The following NEK10 variants were observed in gnomAD, a reference collection of about 807,000 sequenced individuals.
The protein encoded by NEK10 is NIMA related kinase 10.
In NEK10, 122 loss-of-function variants were observed where a neutral mutation model predicts 159.8. The observed-to-expected ratio is 0.76, with a 90% confidence interval of 0.66 to 0.89. The LOEUF (loss-of-function observed/expected upper bound fraction) is 0.89, where lower values mean the gene tolerates loss of function less well. Ranked by LOEUF, NEK10 falls within the 40% of genes least tolerant of loss-of-function variation. NEK10 has a pLI of 0.00. For synonymous variants in NEK10, 466 were observed against 457.1 expected, an observed-to-expected ratio of 1.02 and a Z score of -0.25; for missense variants, 1,342 against 1,323.1, an observed-to-expected ratio of 1.01 and a Z score of -0.22.
intron 23 of NEK10, chr3:27,206,711 A>C: frequency 1.3e-6 from 1 of 758,424 alleles, no homozygotes; most frequent in Non-Finnish European, 1.6e-6. Context: ...ACTGACGAAA[A>C]TAGGGTTAAA....
At chr3:27,332,881 C>G (rs115434387) in intron 5 of NEK10, among the ~76,000 whole-genome samples, 1 of 152,050 alleles carries the variant, frequency 6.6e-6, no homozygotes, top group African/African-American at 2.4e-5. Context: ...AATGACGTCA[C>G]GAGAGAAAAA....
At chr3:27,127,841 C>T (rs537898269) in intron 32 of NEK10, among the ~76,000 whole-genome samples, 1 of 152,076 alleles carries the variant, frequency 6.6e-6, no homozygotes, top group South Asian at 2.1e-4. Context: ...TCTTTACAGG[C>T]AATCCCTCTC....
At chr3:27,208,017 G>A (rs1386403766) in intron 23 of NEK10, among the ~76,000 whole-genome samples, 1 of 152,080 alleles carries the variant, frequency 6.6e-6, no homozygotes, top group Non-Finnish European at 1.5e-5. Flanking sequence ...GTGTGTGTGT[G>A]TATTTTTGTG....
At chr3:27,153,527 C>G (rs1322930056) in intron 30 of NEK10, among the ~76,000 whole-genome samples, 1 of 152,106 alleles carries the variant, frequency 6.6e-6, no homozygotes, top group African/African-American at 2.4e-5. Context: ...GTGCATGGAA[C>G]TTTCTCCAAG....
At chr3:27,299,137 T>C (rs1221177396) in intron 13 of NEK10, among the ~76,000 whole-genome samples, 1 of 152,132 alleles carries the variant, frequency 6.6e-6, no homozygotes, top group Non-Finnish European at 1.5e-5. Flanking sequence ...TGGCAGTCCC[T>C]CCCATCACAG....
At chr3:27,270,548 G>A (rs1226663728) in intron 22 of NEK10, among the ~76,000 whole-genome samples, 1 of 152,078 alleles carries the variant, frequency 6.6e-6, no homozygotes, top group Non-Finnish European at 1.5e-5. Flanking sequence ...TGGGGAATGT[G>A]TTACCCAGCA....
intron 5 of NEK10, among the ~76,000 whole-genome samples, chr3:27,322,470 C>CA (rs902736223): frequency 1.3e-5 from 2 of 152,006 alleles, no homozygotes; most frequent in South Asian, 4.2e-4. Context: ...GAGGCCCCCC[C>CA]CAAACTTATT....
At position 27,156,931 on chromosome 3, in the gene NEK10, TATATATATATA is replaced by T. The variant is rs1163173843; in HGVS notation, c.2869+5759_2869+5769del. 2.6e-3 allele frequency among the ~76,000 whole-genome samples: 14 copies of T among 5,302 alleles called. No homozygotes were observed. The African/African-American group carries it at 0.028, about 11-fold the overall frequency. The allele number at this position is 5,302 out of a possible 152,430, so 3.5% of individuals were successfully genotyped here. ...ATCAAGGAGTGCATAAAGAAACTGA[TATATATATATA>T]TATATATATATATATATATATATAT... On this transcript the variant is annotated intron_variant, in intron 30 of 35. Coordinates refer to ENST00000691995, the MANE Select transcript of NEK10 (RefSeq NM_001394966.1).
chr3:27,165,135 C>G (rs1946364974), intron 29 of NEK10, among the ~76,000 whole-genome samples: 1 of 152,128 alleles, frequency 6.6e-6, no homozygotes, highest in Non-Finnish European at 1.5e-5. Context: ...ATGCTAGACA[C>G]TGGAGATGGG....
chr3:27,366,133 G>C (rs574413637), intron 1 of NEK10, among the ~76,000 whole-genome samples: 1 of 152,050 alleles, frequency 6.6e-6, no homozygotes, highest in Non-Finnish European at 1.5e-5. Context: ...TGCTCCTGAG[G>C]CATACTGACC....
Position 27,312,516 on chromosome 3 carries a change from T to C in NEK10, c.490-339A>G, listed in dbSNP as rs188846557. 2.0e-5 allele frequency among the ~76,000 whole-genome samples: 3 copies of C among 152,356 alleles called. No homozygotes were observed. The East Asian group carries it at 5.8e-4, about 29-fold the overall frequency. On this transcript the variant is annotated intron_variant, in intron 7 of 35. Transcript: ENST00000691995. ...TATAAGATACATAATACATAGTATA[T>C]AGAATGTTTATTCTTCAATGTATCT...
chr3:27,237,092 C>T (rs71323272), intron 23 of NEK10, among the ~76,000 whole-genome samples: 29,010 of 151,808 alleles, frequency 0.19, 2,690 homozygotes, highest in Non-Finnish European at 0.22. Context: ...AGCGATATCT[C>T]TCCTACTTGC....
chr3:27,130,582 G>T (rs1260705775), intron 32 of NEK10, among the ~76,000 whole-genome samples: 1 of 152,150 alleles, frequency 6.6e-6, no homozygotes, highest in East Asian at 1.9e-4. Context: ...GTTTGTAGCA[G>T]ATGCTTTCAT....
At chr3:27,331,262 A>AAAAAAAAAAACAAAAAAAAAC in intron 5 of NEK10, among the ~76,000 whole-genome samples, 2 of 110,082 alleles carry the variant, frequency 1.8e-5, no homozygotes, top group Non-Finnish European at 3.9e-5. Context: ...AAAAAAAAAA[A>AAAAAAAAAAACAAAAAAAAAC]ACACACAAAC....
At chr3:27,143,516 T>C (rs1182973460) in intron 30 of NEK10, 2 of 743,350 alleles carry the variant, frequency 2.7e-6, no homozygotes. Flanking sequence ...GTCTTCCTTC[T>C]GAATTAATCA....
Position 27,141,528 on chromosome 3 carries a change from A to G in NEK10, c.2924T>C (p.Ile975Thr), listed in dbSNP as rs769643652. 2.5e-5 allele frequency: 40 copies of G among 1,613,372 alleles called. No individual in the cohort carries two copies. Among genetic ancestry groups the G allele is most frequent in the Non-Finnish European group, 3.4e-5 (40 of 1,179,602 alleles). ...GTGCAGCTGAATTAATATCTGCTGA[A>G]TAGGATCACTGATCTGACGCACTTT... ...QRKVRQISDP[I>T]QQILIQLHKI... is the part of the protein sequence containing the mutation. Residue 975 changes from isoleucine to threonine, a missense_variant, in exon 31 of 36, where the codon ATT becomes ACT. Transcript: ENST00000691995.
chr3:27,215,919 A>G (rs1214234498), intron 23 of NEK10: 20 of 663,402 alleles, frequency 3.0e-5, no homozygotes, highest in Non-Finnish European at 5.0e-5. Flanking sequence ...CACCATCATG[A>G]GAACAGCACC....
At chr3:27,156,860 A>G (rs548010560) in intron 30 of NEK10, among the ~76,000 whole-genome samples, 1 of 147,638 alleles carries the variant, frequency 6.8e-6, no homozygotes, top group Admixed American at 6.8e-5. Flanking sequence ...TTGTAGCCAC[A>G]CAATTCACAA....
chr3:27,198,114 C>A (rs181756717), intron 25 of NEK10, among the ~76,000 whole-genome samples: 1 of 151,948 alleles, frequency 6.6e-6, no homozygotes, highest in Non-Finnish European at 1.5e-5. Flanking sequence ...AAACACTGCT[C>A]AAAGAAATCA....
Sources: allele counts gnomAD v4.1 joint callset (sites outside exome capture counted in the v4.1 genomes callset), GRCh38; gene constraint gnomAD v4.1.1; transcripts MANE v1.5; gene names NCBI Gene and HGNC (gene_info 2026-07-23, HGNC 2026-07-21).